Variants in PPFIBP2 observed in about 807,000 individuals in gnomAD.
The protein encoded by PPFIBP2 is PPFIB scaffold protein 2.
PPFIBP2 carries 118 observed loss-of-function variants against 118.3 expected under a neutral mutation model. The observed-to-expected ratio is 1.00, with a 90% CI of 0.86 to 1.16. PPFIBP2 has a LOEUF of 1.16. Among genes scored for constraint, PPFIBP2 ranks in the 50% most tolerant of loss-of-function variants. PPFIBP2 has a pLI of 0.00. For synonymous variants in PPFIBP2, 414 were observed against 397.4 expected (o/e 1.04, Z -0.50); for missense variants, 1,195 against 1,073.1 (o/e 1.11, Z -1.59).
the PPFIBP2 span, chr11:7,665,118 G>GTTTA: frequency 2.9e-6 from 1 of 350,482 alleles, no homozygotes; most frequent in Non-Finnish European, 5.2e-6. Flanking sequence ...TTGTACTTGA[G>GTTTA]TTTATTTCAC....
At chr11:7,661,005 A>C (rs1854878764), downstream of PPFIBP2, among the ~76,000 whole-genome samples, 1 of 151,732 alleles carries the variant, frequency 6.6e-6, no homozygotes, top group South Asian at 2.1e-4. Flanking sequence ...CCCCTGTATC[A>C]TTTTTTATTG....
At chr11:7,578,040 T>G (rs1174368882) in intron 3 of PPFIBP2, among the ~76,000 whole-genome samples, 1 of 152,240 alleles carries the variant, frequency 6.6e-6, no homozygotes, top group Non-Finnish European at 1.5e-5. Flanking sequence ...TAACTCGTTC[T>G]CACTCTGATG....
intron 10 of PPFIBP2, among the ~76,000 whole-genome samples, chr11:7,629,838 G>A (rs1850521293): frequency 6.6e-6 from 1 of 152,328 alleles, no homozygotes; most frequent in East Asian, 1.9e-4. Context: ...ACGCCTTAGA[G>A]GCAGCAAGTG....
chr11:7,653,523 T>C lies in PPFIBP2; in HGVS notation c.*305T>C. ...TCAGCACCAGTGGAAACACATGAAC[T>C]TCGATGCAGGTCCAGAGACCATGGA... On this transcript the variant is annotated 3_prime_UTR_variant, in exon 24 of 24. Coordinates refer to ENST00000299492, the MANE Select transcript of PPFIBP2 (RefSeq NM_003621.5). 8 of 1,349,582 alleles carry C rather than the reference T, an allele frequency of 5.9e-6. No individual in the cohort carries two copies. Among genetic ancestry groups the C allele is most frequent in the Non-Finnish European group, 7.8e-6 (8 of 1,028,572 alleles). The allele number at this position is 1,349,582 out of a possible 1,614,324, so 83.6% of individuals were successfully genotyped here.
intron 1 of PPFIBP2, among the ~76,000 whole-genome samples, chr11:7,548,869 A>T (rs984875180): frequency 6.6e-6 from 1 of 152,244 alleles, no homozygotes; most frequent in Middle Eastern, 3.4e-3. Flanking sequence ...TGTGGCCTGT[A>T]GACTTCCTAG....
intron 1 of PPFIBP2, among the ~76,000 whole-genome samples, chr11:7,519,129 A>AGAAGATGGCGACTGG (rs1269764559): frequency 6.6e-6 from 1 of 151,738 alleles, no homozygotes; most frequent in Non-Finnish European, 1.5e-5. Context: ...ATGGCAGCTG[A>AGAAGATGGCGACTGG]GAAGATGGCG....
chr11:7,535,716 G>C (rs758510888), intron 1 of PPFIBP2, among the ~76,000 whole-genome samples: 1 of 152,228 alleles, frequency 6.6e-6, no homozygotes, highest in Non-Finnish European at 1.5e-5. Context: ...CATGCGTTCA[G>C]ACTGCTGTGG....
chr11:7,597,284 T>G (rs1201960827), intron 4 of PPFIBP2: 1 of 1,535,568 alleles, frequency 6.5e-7, no homozygotes, highest in East Asian at 2.4e-5. Flanking sequence ...AGGCAGCTCC[T>G]GTGGCTGTTG....
At chr11:7,626,094 C>T (rs182806230) in intron 8 of PPFIBP2, among the ~76,000 whole-genome samples, 1 of 152,324 alleles carries the variant, frequency 6.6e-6, no homozygotes, top group East Asian at 1.9e-4. Flanking sequence ...TAATGCAGCG[C>T]TCTTGTGGAA....
chr11:7,518,777 C>T (rs1381690810), intron 1 of PPFIBP2, among the ~76,000 whole-genome samples: 1 of 152,178 alleles, frequency 6.6e-6, no homozygotes, highest in Non-Finnish European at 1.5e-5. Flanking sequence ...GAACTCTTAA[C>T]AATACCTTCA....
rs141082489 is a variant in PPFIBP2 at position 7,640,628 on chromosome 11, A to G, written c.1375+758A>G. Among the ~76,000 whole-genome samples the G allele has an allele frequency of 7.2e-3, 1,096 of 152,092 alleles. 14 individuals are homozygous for G. The highest frequency in any genetic ancestry group is 0.026 in the African/African-American group (1,063 of 41,494). On this transcript the variant is annotated intron_variant, in intron 15 of 23. Coordinates refer to ENST00000299492, the MANE Select transcript of PPFIBP2 (RefSeq NM_003621.5). ...CGTTGGCTGCAGGAACTTCAGATAA[A>G]CCCTTGAATGAGTGTGTTCTAGTGA...
At chr11:7,603,542 C>G (rs1210474057) in intron 5 of PPFIBP2, among the ~76,000 whole-genome samples, 1 of 152,232 alleles carries the variant, frequency 6.6e-6, no homozygotes, top group African/African-American at 2.4e-5. Flanking sequence ...GCCAGTCTGG[C>G]TGCAGTCCTC....
chr11:7,578,912 A>G (rs1302342236), intron 3 of PPFIBP2, among the ~76,000 whole-genome samples: 2 of 152,126 alleles, frequency 1.3e-5, no homozygotes, highest in African/African-American at 2.4e-5. Context: ...CATGTGGCTG[A>G]GCACAGTGAT....
the PPFIBP2 span, chr11:7,667,207 T>C: frequency 6.6e-6 from 1 of 152,202 alleles, no homozygotes; most frequent in Non-Finnish European, 1.5e-5. Flanking sequence ...CACCATATTA[T>C]TTAGAACTGA....
At chr11:7,620,072 A>G (rs1000801346) in intron 6 of PPFIBP2, among the ~76,000 whole-genome samples, 1 of 152,216 alleles carries the variant, frequency 6.6e-6, no homozygotes, top group African/African-American at 2.4e-5. Context: ...TTCACAAACA[A>G]GGGTCCTAGA....
the PPFIBP2 span, chr11:7,665,751 T>A: frequency 2.2e-6 from 3 of 1,341,968 alleles, no homozygotes; most frequent in South Asian, 1.4e-5. Flanking sequence ...CCAGGCTCAC[T>A]GCAGGGACCC....
At chr11:7,663,755 T>A in the PPFIBP2 span, among the ~76,000 whole-genome samples, 1 of 152,198 alleles carries the variant, frequency 6.6e-6, no homozygotes, top group Admixed American at 6.5e-5. Flanking sequence ...GCCTCGCTGC[T>A]GCCTTGCAGT....
rs548127713 is a variant in PPFIBP2, at chr11:7,625,404, G to A, written c.712-373G>A. On this transcript the variant is annotated intron_variant, in intron 7 of 23. Transcript: ENST00000299492. ...GTTACTGTATGAGTGAGTATCTTGGGAGAAGAAAGACCATGTCCAGAATAT... is the reference window on the plus strand; with the variant it reads ...GTTACTGTATGAGTGAGTATCTTGGAAGAAGAAAGACCATGTCCAGAATAT... Among the ~76,000 whole-genome samples the A allele has an allele frequency of 5.6e-4, 86 of 152,366 alleles. 1 individual carries two copies. Among genetic ancestry groups the A allele is most frequent in the Admixed American group, 2.2e-3 (34 of 15,302 alleles).
At chr11:7,604,373 A>T (rs1032907724) in intron 5 of PPFIBP2, among the ~76,000 whole-genome samples, 1 of 152,102 alleles carries the variant, frequency 6.6e-6, no homozygotes, top group African/African-American at 2.4e-5. Context: ...GTGAAGGCAG[A>T]AGCCAGGTTC....
Sources: allele counts gnomAD v4.1 joint callset (sites outside exome capture counted in the v4.1 genomes callset), GRCh38; gene constraint gnomAD v4.1.1; transcripts MANE v1.5; gene names NCBI Gene and HGNC (gene_info 2026-07-23, HGNC 2026-07-21).